The following SPRED1 variants were observed in gnomAD, a reference collection of about 807,000 sequenced individuals.
SPRED1 encodes the protein sprouty related EVH1 domain containing 1.
A neutral mutation model predicts 52.3 loss-of-function variants in SPRED1; 18 were observed. That is an observed-to-expected ratio of 0.34 (90% CI 0.24 to 0.51). SPRED1 has a LOEUF of 0.51. Ranked by LOEUF, SPRED1 falls within the 20% of genes least tolerant of loss-of-function variation. SPRED1 has a pLI of 0.97. For synonymous variants in SPRED1, 155 were observed against 179.7 expected, an observed-to-expected ratio of 0.86 and a Z score of 1.10; for missense variants, 485 against 551.0, an observed-to-expected ratio of 0.88 and a Z score of 1.20.
chr15:38,307,853 A>G (rs188546292), intron 2 of SPRED1, among the ~76,000 whole-genome samples: 3 of 152,100 alleles, frequency 2.0e-5, no homozygotes, highest in Admixed American at 1.3e-4. Context: ...GTTTTTTCGC[A>G]TGTAGGTACA....
At chr15:38,254,540 G>T (rs1894051517) in intron 1 of SPRED1, among the ~76,000 whole-genome samples, 1 of 152,112 alleles carries the variant, frequency 6.6e-6, no homozygotes, top group Admixed American at 6.5e-5. Flanking sequence ...CCATCACCTT[G>T]GACATCTTGA....
chr15:38,326,159 T>C (rs1895707228), intron 4 of SPRED1: 1 of 152,038 alleles, frequency 6.6e-6, no homozygotes, highest in Non-Finnish European at 1.5e-5. Context: ...TATTGGAAAA[T>C]GGAAGAAAGG....
At chr15:38,298,196 G>A (rs367657502) in intron 1 of SPRED1, among the ~76,000 whole-genome samples, 104 of 152,236 alleles carry the variant, frequency 6.8e-4, no homozygotes, top group African/African-American at 2.4e-3. Flanking sequence ...GTAAAGTTAA[G>A]ACTGAAAACA....
Position 38,288,482 on chromosome 15 carries a change from A to G in SPRED1, c.33-10891A>G, listed in dbSNP as rs553745966. Among the ~76,000 whole-genome samples the G allele has an allele frequency of 2.0e-5, 3 of 152,330 alleles. No homozygotes were observed. The East Asian group carries it at 5.8e-4, about 29-fold the overall frequency. On this transcript the variant is annotated intron_variant, in intron 1 of 6. Coordinates refer to ENST00000299084, the MANE Select transcript of SPRED1 (RefSeq NM_152594.3). ...GAGGAAGATAAAACCAGAAAAAGAAATAGTGGAGAGAAGGTGGATGGATGC... is the reference window on the plus strand; with the variant it reads ...GAGGAAGATAAAACCAGAAAAAGAAGTAGTGGAGAGAAGGTGGATGGATGC...
At chr15:38,269,432 A>G (rs1894383626) in intron 1 of SPRED1, among the ~76,000 whole-genome samples, 1 of 152,060 alleles carries the variant, frequency 6.6e-6, no homozygotes, top group Admixed American at 6.5e-5. Flanking sequence ...TTGTAGAGAC[A>G]GGGTCTTGAT....
chr15:38,302,248 G>A (rs377747450), intron 2 of SPRED1, among the ~76,000 whole-genome samples: 67 of 152,234 alleles, frequency 4.4e-4, no homozygotes, highest in African/African-American at 1.6e-3. Flanking sequence ...TAACAATAGT[G>A]AAGAAGATGG....
intron 1 of SPRED1, among the ~76,000 whole-genome samples, chr15:38,254,898 A>G (rs908027848): frequency 1.3e-5 from 2 of 152,252 alleles, no homozygotes; most frequent in Admixed American, 6.5e-5. Context: ...GCTGAACCGA[A>G]TGACGGTAAC....
intron 6 of SPRED1, 80 bp from the exon 7 acceptor site, chr15:38,350,934 T>A: frequency 1.5e-6 from 2 of 1,345,478 alleles, no homozygotes; most frequent in Non-Finnish European, 2.1e-6. Flanking sequence ...AACAAATATC[T>A]GGACACTGGC....
At chr15:38,348,588 G>A (rs1266884135) in intron 5 of SPRED1, among the ~76,000 whole-genome samples, 1 of 152,018 alleles carries the variant, frequency 6.6e-6, no homozygotes, top group African/African-American at 2.4e-5. Context: ...CTATCTGCAT[G>A]TATTACTATT....
intron 6 of SPRED1, among the ~76,000 whole-genome samples, chr15:38,349,872 T>C (rs1888443480): frequency 6.6e-6 from 1 of 152,218 alleles, no homozygotes; most frequent in Admixed American, 6.5e-5. Context: ...CTGAGTCAGA[T>C]GCTTACTTGT....
intron 2 of SPRED1, among the ~76,000 whole-genome samples, chr15:38,317,704 C>G (rs1028140436): frequency 1.3e-5 from 2 of 151,840 alleles, no homozygotes; most frequent in African/African-American, 4.8e-5. Context: ...TAAGAATCCT[C>G]TAGCCCTTAA....
chr15:38,347,351 C>T (rs935494415), intron 5 of SPRED1, among the ~76,000 whole-genome samples: 40 of 151,624 alleles, frequency 2.6e-4, no homozygotes, highest in African/African-American at 9.4e-4. Flanking sequence ...TTTCTGATGT[C>T]TCTAATCTAA....
intron 1 of SPRED1, among the ~76,000 whole-genome samples, chr15:38,267,524 T>C (rs1157979100): frequency 6.6e-6 from 1 of 152,188 alleles, no homozygotes; most frequent in Non-Finnish European, 1.5e-5. Flanking sequence ...GTAATGAAAT[T>C]TGTTCTTAAA....
chr15:38,281,595 G>A (rs557640577), intron 1 of SPRED1, among the ~76,000 whole-genome samples: 21 of 142,674 alleles, frequency 1.5e-4, no homozygotes, highest in Non-Finnish European at 2.6e-4. Context: ...TAGAGACAGG[G>A]TCTTGCTATG....
chr15:38,304,491 C>G (rs527532169), intron 2 of SPRED1, among the ~76,000 whole-genome samples: 1 of 152,246 alleles, frequency 6.6e-6, no homozygotes, highest in African/African-American at 2.4e-5. Context: ...GTTATTGTTC[C>G]TTATTCCCCT....
At chr15:38,262,573 TG>T (rs1894227844) in intron 1 of SPRED1, among the ~76,000 whole-genome samples, 1 of 152,144 alleles carries the variant, frequency 6.6e-6, no homozygotes, top group Non-Finnish European at 1.5e-5. Flanking sequence ...TACAGTTGTT[TG>T]GAGGAGTTGT....
intron 4 of SPRED1, among the ~76,000 whole-genome samples, chr15:38,329,714 A>C (rs1484461911): frequency 6.6e-6 from 1 of 152,184 alleles, no homozygotes. Flanking sequence ...ATTAGGAATC[A>C]TTCATTCCTA....
intron 1 of SPRED1, chr15:38,283,371 G>T (rs1595724295): frequency 3.9e-6 from 1 of 255,378 alleles, no homozygotes; most frequent in Admixed American, 6.5e-5. Flanking sequence ...ATGAGATTTG[G>T]GTGGGGACAC....
intron 2 of SPRED1, among the ~76,000 whole-genome samples, chr15:38,312,647 T>A (rs1285118242): frequency 6.6e-6 from 1 of 152,138 alleles, no homozygotes; most frequent in African/African-American, 2.4e-5. Context: ...TCGTCGTTGC[T>A]TTCTAGTCAT....
Sources: gnomAD v4.1 joint callset for allele counts (sites outside exome capture counted in the v4.1 genomes callset) on GRCh38, gnomAD v4.1.1 for gene constraint, MANE v1.5 for transcripts, NCBI Gene and HGNC (gene_info 2026-07-23, HGNC 2026-07-21) for gene names.